FBXO46: variants seen among roughly 807,000 people sequenced by gnomAD.
FBXO46 encodes the protein F-box only protein 46.
A neutral mutation model predicts 30.7 loss-of-function variants in FBXO46; 13 were observed. The ratio of observed to expected loss-of-function variants is 0.42; its 90% CI spans 0.28 to 0.67. The LOEUF (loss-of-function observed/expected upper bound fraction) is 0.67, where lower values mean the gene tolerates loss of function less well. Ranked by LOEUF, FBXO46 falls within the 30% of genes least tolerant of loss-of-function variation. FBXO46 has a pLI of 0.21. For synonymous variants in FBXO46, 467 were observed against 385.8 expected (o/e 1.21, Z -2.47); for missense variants, 754 against 871.5 (o/e 0.87, Z 1.70).
rs954483360 is a variant in FBXO46, at chr19:45,713,614, C to G, written c.-78-41G>C. On this transcript the variant is annotated intron_variant, in intron 1 of 1. Coordinates refer to ENST00000317683, the MANE Select transcript of FBXO46 (RefSeq NM_001080469.2). This position sits in a 1 kb window ranked among gnomAD's most constrained non-coding sequence, Gnocchi z 4.7. ...GGAGGTTGGGGAGCTAGGGGGACAG[C>G]CTTTCTTCCCAGGACCACCCCAACC... The G allele has an allele frequency of 2.4e-6, 2 of 824,424 alleles. No individual in the cohort carries two copies. Among genetic ancestry groups the G allele is most frequent in the African/African-American group, 1.7e-5 (1 of 57,660 alleles). 51.1% of individuals were successfully genotyped at this position (824,424 alleles called of 1,614,324 possible). A position where few individuals can be genotyped will look rare whatever the true frequency, so the allele number is the denominator to read the frequency against.
rs766769878 is a variant in FBXO46, at chr19:45,713,515, C to G, written c.-20G>C. The G allele has an allele frequency of 2.3e-5, 35 of 1,531,862 alleles. No homozygotes were observed. The highest frequency in any genetic ancestry group is 3.1e-5 in the Non-Finnish European group (35 of 1,135,304). 94.9% of individuals were successfully genotyped at this position (1,531,862 alleles called of 1,614,324 possible). The stretch of plus-strand genomic sequence containing the variant: ...GTCCATGCTGGGGGATGATGGCAGA[C>G]AGGCTGGGCTTCAGCGCATCTCAGG... On this transcript the variant is annotated 5_prime_UTR_variant, in exon 2 of 2. Transcript: ENST00000317683. The surrounding 1 kb of genome is among the most constrained non-coding windows in gnomAD (Gnocchi z 4.7).
At chr19:45,716,145 A>G (rs1968088357) in intron 1 of FBXO46, 2 of 152,232 alleles carry the variant, frequency 1.3e-5, no homozygotes, top group South Asian at 2.1e-4. Context: ...TGCTCATTAG[A>G]GCATTTCAGA....
At chr19:45,727,318 G>A (rs1968253148) in intron 1 of FBXO46, among the ~76,000 whole-genome samples, 2 of 152,046 alleles carry the variant, frequency 1.3e-5, no homozygotes, top group South Asian at 2.1e-4. Context: ...AACACTTAGG[G>A]AAGTCAAGGA....
chr19:45,715,036 G>C (rs1968069710), intron 1 of FBXO46: 2 of 151,744 alleles, frequency 1.3e-5, no homozygotes, highest in Admixed American at 1.3e-4. Flanking sequence ...GGAGCAAAAA[G>C]AGGCTCTCAA....
intron 1 of FBXO46, among the ~76,000 whole-genome samples, chr19:45,724,344 T>C (rs1968211193): frequency 6.6e-6 from 1 of 152,188 alleles, no homozygotes; most frequent in African/African-American, 2.4e-5. Flanking sequence ...CAGGCCAAGC[T>C]GGCATAAGGG....
In FBXO46 at chr19:45,711,654, T is replaced by C; in HGVS notation, c.*30A>G. 1.4e-6 allele frequency: 2 copies of C among 1,479,380 alleles called. No homozygotes were observed. The highest frequency in any genetic ancestry group is 1.8e-6 in the Non-Finnish European group (2 of 1,096,664). 91.6% of individuals were successfully genotyped at this position (1,479,380 alleles called of 1,614,324 possible). A position where few individuals can be genotyped will look rare whatever the true frequency, so the allele number is the denominator to read the frequency against. ...CGGGGGGAGAGGGGAGGGGTGGGCGTGGTGGGCTCTCCCCTCCCCTCCCCC... is the reference window on the plus strand; with the variant it reads ...CGGGGGGAGAGGGGAGGGGTGGGCGCGGTGGGCTCTCCCCTCCCCTCCCCC... On this transcript the variant is annotated 3_prime_UTR_variant, in exon 2 of 2. Transcript: ENST00000317683.
At position 45,713,489 on chromosome 19, in the gene FBXO46, G is replaced by A. The variant is rs761458955; in HGVS notation, c.7C>T (p.Arg3Cys). ...AGCTGGAAGGGCAGGAGGCTCCCAC[G>A]GTCCATGCTGGGGGATGATGGCAGA... MD[R>C]GSLLPFQLWC... is the part of the protein sequence containing the mutation. The change falls in exon 2 of 2, where the codon CGT (arginine) becomes TGT (cysteine). Residue 3 changes from arginine to cysteine, a missense_variant. Transcript: ENST00000317683. This position sits in a 1 kb window ranked among gnomAD's most constrained non-coding sequence, Gnocchi z 4.7. 6 of 1,559,824 alleles carry A rather than the reference G, an allele frequency of 3.8e-6. No individual in the cohort carries two copies. Among genetic ancestry groups the A allele is most frequent in the East Asian group, 2.3e-5 (1 of 44,212 alleles).
At chr19:45,714,376 T>C (rs1382564680) in intron 1 of FBXO46, 1 of 146,538 alleles carries the variant, frequency 6.8e-6, no homozygotes, top group African/African-American at 2.5e-5. Context: ...TCGGCTTTTC[T>C]TTTTTTTTTT....
intron 1 of FBXO46, among the ~76,000 whole-genome samples, chr19:45,721,787 C>T (rs1968176284): frequency 6.6e-6 from 1 of 150,854 alleles, no homozygotes; most frequent in Admixed American, 6.6e-5. Context: ...ACCTCGTGAT[C>T]CACCCAAAGT....
Position 45,711,959 on chromosome 19 carries a change from G to A in FBXO46, c.1537C>T (p.Arg513Trp), listed in dbSNP as rs778807365. 8 of 1,612,634 alleles carry A rather than the reference G, an allele frequency of 5.0e-6. No individual in the cohort carries two copies. The East Asian group carries it at 6.7e-5, about 13-fold the overall frequency. ...CGGCTCCAGCGCGAGTCTGTGGCCCGCACGCCAAACGCCTCGATGATGCCC... is the reference window on the plus strand; with the variant it reads ...CGGCTCCAGCGCGAGTCTGTGGCCCACACGCCAAACGCCTCGATGATGCCC... ...FKGIIEAFGV[R>W]ATDSRWSRDP... Residue 513 changes from arginine to tryptophan, a missense_variant, in exon 2 of 2, where the codon CGG becomes TGG. Physicochemically the swap from Arg to Trp is moderately radical, Grantham distance 101. Transcript: ENST00000317683.
At chr19:45,726,995 T>C (rs1408532598) in intron 1 of FBXO46, among the ~76,000 whole-genome samples, 1 of 152,002 alleles carries the variant, frequency 6.6e-6, no homozygotes, top group Non-Finnish European at 1.5e-5. Flanking sequence ...CTGGGGCTCA[T>C]GCCTGTAACC....
Position 45,713,605 on chromosome 19 carries a change from G to A in FBXO46, c.-78-32C>T. 1.1e-6 allele frequency: 1 copy of A among 899,648 alleles called. No individual in the cohort carries two copies. Among genetic ancestry groups the A allele is most frequent in the Non-Finnish European group, 1.7e-6 (1 of 598,956 alleles). 55.7% of individuals were successfully genotyped at this position (899,648 alleles called of 1,614,324 possible). On this transcript the variant is annotated intron_variant, in intron 1 of 1. Transcript: ENST00000317683. This position sits in a 1 kb window ranked among gnomAD's most constrained non-coding sequence, Gnocchi z 4.7. ...ACACGAAGAGGAGGTTGGGGAGCTAGGGGGACAGCCTTTCTTCCCAGGACC... is the reference window on the plus strand; with the variant it reads ...ACACGAAGAGGAGGTTGGGGAGCTAAGGGGACAGCCTTTCTTCCCAGGACC...
chr19:45,728,587 A>G (rs2146163718), intron 1 of FBXO46, among the ~76,000 whole-genome samples: 1 of 151,918 alleles, frequency 6.6e-6, no homozygotes, highest in Middle Eastern at 3.4e-3. Context: ...TGCAATCCCA[A>G]CACTTTTGGA....
Position 45,712,247 on chromosome 19 carries a change from C to T in FBXO46, c.1249G>A (p.Asp417Asn). The T allele has an allele frequency of 1.2e-6, 2 of 1,604,624 alleles. No individual in the cohort carries two copies. The highest frequency in any genetic ancestry group is 1.7e-6 in the Non-Finnish European group (2 of 1,178,508). The change falls in exon 2 of 2, where the codon GAC becomes AAC. Residue 417 changes from aspartate to asparagine, a missense_variant. Physicochemically the swap from Asp to Asn is conservative, Grantham distance 23. Around this residue, in one of 5 missense-constraint regions of FBXO46, gnomAD observed 454 missense variants for 426.5 expected, o/e 1.06. Transcript: ENST00000317683. This position sits in a 1 kb window ranked among gnomAD's most constrained non-coding sequence, Gnocchi z 8.8. ...QLFFLQNRGPDGPPEPPPADS... is the reference protein window; with the variant it reads ...QLFFLQNRGPNGPPEPPPADS... ...GCCGGGGGTGGCTCCGGGGGCCCGT[C>T]CGGCCCGCGGTTCTGGAGAAAGAAG...
At position 45,711,834 on chromosome 19, in the gene FBXO46, ATGGTGGTAGGGCT is replaced by A; in HGVS notation, c.1649_1661del (p.Lys550MetfsTer88). 1 of 1,613,388 alleles carries A rather than the reference ATGGTGGTAGGGCT, an allele frequency of 6.2e-7. No homozygotes were observed. The highest frequency in any genetic ancestry group is 8.5e-7 in the Non-Finnish European group (1 of 1,179,606). On this transcript the variant is annotated frameshift_variant, in exon 2 of 2. Transcript: ENST00000317683. LOFTEE classifies it high-confidence loss of function. ...AGTAGGAACGTCCGTAAGGCAGGTCATGGTGGTAGGGCTTGGGGTGCCAGCGGCAGAGCGACAC... is the reference window on the plus strand; with the variant it reads ...AGTAGGAACGTCCGTAAGGCAGGTCATGGGGTGCCAGCGGCAGAGCGACAC...
chr19:45,726,052 T>G (rs1968235439), intron 1 of FBXO46, among the ~76,000 whole-genome samples: 1 of 152,050 alleles, frequency 6.6e-6, no homozygotes, highest in Non-Finnish European at 1.5e-5. Context: ...TTTAAAAAAT[T>G]TATTTGAGGC....
rs1397072216 is a variant in FBXO46, at chr19:45,712,653, C to T, written c.843G>A (p.Gly281=). 2 of 1,610,372 alleles carry T rather than the reference C, an allele frequency of 1.2e-6. No homozygotes were observed. Among genetic ancestry groups the T allele is most frequent in the African/African-American group, 1.3e-5 (1 of 74,970 alleles). The change falls in exon 2 of 2, where the codon GGG becomes GGA. Residue 281 remains glycine (G), a synonymous_variant. Transcript: ENST00000317683. The surrounding 1 kb of genome is among the most constrained non-coding windows in gnomAD (Gnocchi z 8.8). ...PRAPDSGLPS[G]GGGRPGCAYP... is the part of the protein sequence containing the mutation. ...AGGCACAACCAGGCCTGCCCCCGCC[C>T]CCACTGGGCAGGCCGCTGTCTGGTG...
rs368408078 is a variant in FBXO46 at position 45,723,667 on chromosome 19, T to C, written c.-79+7182A>G. The stretch of plus-strand genomic sequence containing the variant: ...GGCCGCCAAGCCCAACTAATTCTTC[T>C]TTTTTTTTCTTAGACGCAGTCTCAC... On this transcript the variant is annotated intron_variant, in intron 1 of 1. Coordinates refer to ENST00000317683, the MANE Select transcript of FBXO46 (RefSeq NM_001080469.2). 9.0e-4 allele frequency among the ~76,000 whole-genome samples: 137 copies of C among 151,764 alleles called. 4 individuals are homozygous for C. The highest frequency in any genetic ancestry group is 3.0e-3 in the African/African-American group (126 of 41,418).
chr19:45,713,675 A>C lies in FBXO46; in HGVS notation c.-78-102T>G. On this transcript the variant is annotated intron_variant, in intron 1 of 1. Transcript: ENST00000317683. This position sits in a 1 kb window ranked among gnomAD's most constrained non-coding sequence, Gnocchi z 4.7. ...CTTAGACCAAACCAGACCATCAAGA[A>C]CTCTATTCCTGGCTGGGCGCGGTGG... 1.9e-6 allele frequency: 1 copy of C among 531,462 alleles called. No individual in the cohort carries two copies. Among genetic ancestry groups the C allele is most frequent in the South Asian group, 3.2e-5 (1 of 31,168 alleles). 32.9% of individuals were successfully genotyped at this position (531,462 alleles called of 1,614,324 possible).
Sources: gnomAD v4.1 joint callset for allele counts (sites outside exome capture counted in the v4.1 genomes callset) on GRCh38, gnomAD v4.1.1 for gene constraint, gnomAD v4.1.1 regional missense constraint, Gnocchi (gnomAD v3.1) non-coding constraint, MANE v1.5 for transcripts, NCBI Gene and HGNC (gene_info 2026-07-23, HGNC 2026-07-21) for gene names.